PRSS38: variants seen among roughly 807,000 people sequenced by gnomAD.
PRSS38 encodes marapsin 2.
In PRSS38, 22 loss-of-function variants were observed where a neutral mutation model predicts 26.8. The ratio of observed to expected loss-of-function variants is 0.82; its 90% CI spans 0.59 to 1.17. The LOEUF (loss-of-function observed/expected upper bound fraction) is 1.17. Among genes scored for constraint, PRSS38 ranks in the 50% most tolerant of loss-of-function variants. The pLI is 0.00. For missense variants in PRSS38, 427 were observed against 422.7 expected, an observed-to-expected ratio of 1.01 and a Z score of -0.09; for synonymous variants, 175 against 172.1, an observed-to-expected ratio of 1.02 and a Z score of -0.13.
At chr1:227,845,677 C>T in intron 4 of PRSS38, 65 bp downstream of exon 4, 5 of 1,544,242 alleles carry the variant, frequency 3.2e-6, no homozygotes, top group Non-Finnish European at 4.4e-6. Context: ...CCCCACAGGA[C>T]CCCACTCTGG....
At chr1:227,829,699 G>A (rs1665124540) in intron 3 of PRSS38, among the ~76,000 whole-genome samples, 1 of 152,182 alleles carries the variant, frequency 6.6e-6, no homozygotes, top group Admixed American at 6.5e-5. Flanking sequence ...GAGAAATGTA[G>A]TTTAAATTCT....
At chr1:227,843,509 C>A (rs1206071181) in intron 3 of PRSS38, among the ~76,000 whole-genome samples, 2 of 151,982 alleles carry the variant, frequency 1.3e-5, no homozygotes, top group Non-Finnish European at 1.5e-5. Context: ...TCGAGACCAG[C>A]CTGACCAACA....
At position 227,820,680 on chromosome 1, in the gene PRSS38, T is replaced by A. The variant is rs117700439; in HGVS notation, c.583+3200T>A. 4.6e-3 allele frequency among the ~76,000 whole-genome samples: 702 copies of A among 152,300 alleles called. 12 individuals carry two copies. The South Asian group carries it at 0.058, about 12-fold the overall frequency. ...ATATTCTTAAAGGTATGATCTGTAG[T>A]TATATTTTCTTATGGTGTCTTTGGC... is the stretch of plus-strand genomic sequence containing the variant. On this transcript the variant is annotated intron_variant, in intron 3 of 4. Transcript: ENST00000366757.
At chr1:227,846,032 T>C in exon 5 of PRSS38, 1 of 1,614,220 alleles carries the variant, frequency 6.2e-7, no homozygotes, top group South Asian at 1.1e-5. Context: ...GGGCCGAGGC[T>C]GCTCCAACCC....
chr1:227,843,927 G>T (rs1211047900), intron 3 of PRSS38, among the ~76,000 whole-genome samples: 2 of 152,116 alleles, frequency 1.3e-5, no homozygotes. Context: ...GGTGGAGGTT[G>T]CAGTGAGCCA....
At chr1:227,832,995 A>G (rs1287540948) in intron 3 of PRSS38, among the ~76,000 whole-genome samples, 1 of 152,240 alleles carries the variant, frequency 6.6e-6, no homozygotes, top group Non-Finnish European at 1.5e-5. Context: ...CTACAAAACT[A>G]CATTGAAAAC....
chr1:227,825,370 T>A (rs911320322), intron 3 of PRSS38, among the ~76,000 whole-genome samples: 3 of 152,140 alleles, frequency 2.0e-5, no homozygotes, highest in African/African-American at 7.2e-5. Flanking sequence ...TTTTGTATTT[T>A]TAGTAGAGGC....
At chr1:227,817,439 C>T (rs147251843) in exon 3 of PRSS38, 6 of 1,614,140 alleles carry the variant, frequency 3.7e-6, no homozygotes, top group Middle Eastern at 1.6e-4. Context: ...CTTACCAGTG[C>T]CAATTGCTGG....
chr1:227,816,383 C>A lies in PRSS38; in HGVS notation c.311+131C>A. On this transcript the variant is annotated intron_variant, in intron 2 of 4. Coordinates refer to ENST00000366757, the Ensembl canonical transcript of PRSS38. This position sits in a 1 kb window ranked among gnomAD's most constrained non-coding sequence, Gnocchi z 5.1. ...CTCCCTTCACCACTGTCGACCCGCGCAAGGCCAGGTCCCCACCAGTGAGGC... is the reference window on the plus strand; with the variant it reads ...CTCCCTTCACCACTGTCGACCCGCGAAAGGCCAGGTCCCCACCAGTGAGGC... 1.1e-6 allele frequency: 1 copy of A among 950,038 alleles called. No individual in the cohort carries two copies. The highest frequency in any genetic ancestry group is 1.6e-6 in the Non-Finnish European group (1 of 639,002). The allele number at this position is 950,038 out of a possible 1,614,324, so 58.9% of individuals were successfully genotyped here. A position where few individuals can be genotyped will look rare whatever the true frequency, so the allele number is the denominator to read the frequency against.
chr1:227,815,734 C>T (rs758788764), exon 1 of PRSS38: 17 of 1,594,212 alleles, frequency 1.1e-5, no homozygotes, highest in South Asian at 3.3e-5. Context: ...CCCCTGCTTC[C>T]GTCATGGGCC....
At chr1:227,846,274 C>A in exon 5 of PRSS38, 1 of 1,573,140 alleles carries the variant, frequency 6.4e-7, no homozygotes, top group African/African-American at 1.3e-5. Flanking sequence ...TGCCTCCAGA[C>A]CCCTAAGCAT....
At chr1:227,828,198 A>G (rs1353075577) in intron 3 of PRSS38, among the ~76,000 whole-genome samples, 4 of 152,182 alleles carry the variant, frequency 2.6e-5, no homozygotes, top group African/African-American at 7.2e-5. Context: ...GTAAGTATCT[A>G]TTAGGTCCAC....
intron 3 of PRSS38, among the ~76,000 whole-genome samples, chr1:227,832,977 G>A (rs2102680671): frequency 6.6e-6 from 1 of 152,228 alleles, no homozygotes; most frequent in East Asian, 1.9e-4. Context: ...TATCCAAGGA[G>A]ATGAAAACTA....
chr1:227,837,477 G>A (rs764095797), intron 3 of PRSS38, among the ~76,000 whole-genome samples: 5 of 152,166 alleles, frequency 3.3e-5, no homozygotes, highest in Admixed American at 6.5e-5. Flanking sequence ...GCAGCAAAGT[G>A]TCTTCTCTCC....
In PRSS38 at chr1:227,816,379, C is replaced by T. The variant is rs72750297; in HGVS notation, c.311+127C>T. ...TCGACTCCCTTCACCACTGTCGACC[C>T]GCGCAAGGCCAGGTCCCCACCAGTG... On this transcript the variant is annotated intron_variant, in intron 2 of 4. Coordinates refer to ENST00000366757, the Ensembl canonical transcript of PRSS38. This position sits in a 1 kb window ranked among gnomAD's most constrained non-coding sequence, Gnocchi z 5.1. The T allele has an allele frequency of 0.042, 41,735 of 998,260 alleles. 2,269 individuals carry two copies. The highest frequency in any genetic ancestry group is 0.24 in the East Asian group (9,579 of 39,840). 61.8% of individuals were successfully genotyped at this position (998,260 alleles called of 1,614,324 possible).
intron 3 of PRSS38, among the ~76,000 whole-genome samples, chr1:227,844,884 C>T (rs183944449): frequency 6.8e-6 from 1 of 146,858 alleles, no homozygotes; most frequent in Non-Finnish European, 1.5e-5. Flanking sequence ...GGGTGGGGCT[C>T]CTCCCTATGT....
chr1:227,819,012 T>C (rs1664964090), intron 3 of PRSS38, among the ~76,000 whole-genome samples: 1 of 152,222 alleles, frequency 6.6e-6, no homozygotes. Flanking sequence ...TAGAAAGTTG[T>C]TCATTTTATT....
chr1:227,833,556 A>G (rs4579752), intron 3 of PRSS38, among the ~76,000 whole-genome samples: 26,088 of 151,768 alleles, frequency 0.17, 4,246 homozygotes, highest in African/African-American at 0.43. Context: ...TGAAGGACTC[A>G]TACTTCCTGA....
chr1:227,830,270 T>C (rs1050583262), intron 3 of PRSS38, among the ~76,000 whole-genome samples: 2 of 152,146 alleles, frequency 1.3e-5, no homozygotes, highest in Non-Finnish European at 2.9e-5. Context: ...TGTCTGGTTT[T>C]GGTATAAGAA....
Sources: gnomAD v4.1 joint callset for allele counts (sites outside exome capture counted in the v4.1 genomes callset) on GRCh38, gnomAD v4.1.1 for gene constraint, Gnocchi (gnomAD v3.1) non-coding constraint, MANE v1.5 for transcripts, NCBI Gene and HGNC (gene_info 2026-07-23, HGNC 2026-07-21) for gene names.